The following IFT56 variants were observed in gnomAD, a reference collection of about 807,000 sequenced individuals.
The protein encoded by IFT56 is intraflagellar transport 56.
the IFT56 span, chr7:139,167,000 C>T: frequency 1.5e-6 from 1 of 652,380 alleles, no homozygotes; most frequent in Admixed American, 2.2e-5. Flanking sequence ...AGACTCCTGC[C>T]TGTAGAATCC....
the IFT56 span, among the ~76,000 whole-genome samples, chr7:139,138,405 A>G: frequency 3.3e-5 from 5 of 152,232 alleles, no homozygotes; most frequent in Non-Finnish European, 7.3e-5. Context: ...GTGTGTAAGT[A>G]TAGGAAAAAA....
At chr7:139,187,668 G>A in the IFT56 span, 5 of 1,213,526 alleles carry the variant, frequency 4.1e-6, no homozygotes, top group Non-Finnish European at 5.7e-6. Flanking sequence ...TGAAAAAAAG[G>A]TTGATATTAA....
chr7:139,141,812 G>A, the IFT56 span, among the ~76,000 whole-genome samples: 1 of 152,172 alleles, frequency 6.6e-6, no homozygotes, highest in Non-Finnish European at 1.5e-5. Flanking sequence ...AGGAAAATAT[G>A]GCAGTATAAT....
At chr7:139,170,378 A>G in the IFT56 span, among the ~76,000 whole-genome samples, 8 of 152,356 alleles carry the variant, frequency 5.3e-5, 2 homozygotes, top group African/African-American at 1.9e-4. Flanking sequence ...TATTGCCCTG[A>G]TAACAAAACC....
chr7:139,134,612 T>A, the IFT56 span: 3 of 1,551,538 alleles, frequency 1.9e-6, no homozygotes, highest in Non-Finnish European at 2.6e-6. Context: ...TTAAATCTGA[T>A]AATCAGAATT....
At chr7:139,135,599 G>A in the IFT56 span, among the ~76,000 whole-genome samples, 7 of 152,104 alleles carry the variant, frequency 4.6e-5, no homozygotes, top group Admixed American at 2.6e-4. Context: ...ATAAGATATC[G>A]ATTCCTGGGC....
At chr7:139,134,860 G>A in the IFT56 span, 1 of 1,530,304 alleles carries the variant, frequency 6.5e-7, no homozygotes, top group Non-Finnish European at 8.8e-7. Flanking sequence ...TTGGGTGAAT[G>A]CTGTTTGCTA....
the IFT56 span, among the ~76,000 whole-genome samples, chr7:139,187,919 T>C: frequency 6.6e-6 from 1 of 151,984 alleles, no homozygotes; most frequent in East Asian, 1.9e-4. Flanking sequence ...TTTTGTTTTT[T>C]GCCTATTGGC....
At chr7:139,163,274 G>A in the IFT56 span, among the ~76,000 whole-genome samples, 1 of 150,176 alleles carries the variant, frequency 6.7e-6, no homozygotes, top group Non-Finnish European at 1.5e-5. Flanking sequence ...CCCGGGAGGC[G>A]AAGCTTGCAG....
chr7:139,166,095 T>A, the IFT56 span, among the ~76,000 whole-genome samples: 1 of 152,168 alleles, frequency 6.6e-6, no homozygotes, highest in Non-Finnish European at 1.5e-5. Context: ...GTAGCTGGGA[T>A]TACAGGCATG....
chr7:139,134,606 A>G, the IFT56 span: 35 of 1,545,644 alleles, frequency 2.3e-5, no homozygotes, highest in Non-Finnish European at 3.0e-5. Flanking sequence ...CTCAGTTTAA[A>G]TCTGATAATC....
chr7:139,146,766 CAAA>C, the IFT56 span, among the ~76,000 whole-genome samples: 3 of 88,734 alleles, frequency 3.4e-5, no homozygotes, highest in Non-Finnish European at 8.1e-5. Context: ...GACTCCGTTT[CAAA>C]AAAAAAAAAA....
chr7:139,149,875 TTTTA>T, the IFT56 span, among the ~76,000 whole-genome samples: 1 of 152,244 alleles, frequency 6.6e-6, no homozygotes, highest in South Asian at 2.1e-4. Flanking sequence ...AATAACATAA[TTTTA>T]TTTAACACAT....
At chr7:139,180,062 G>A in the IFT56 span, among the ~76,000 whole-genome samples, 1 of 152,246 alleles carries the variant, frequency 6.6e-6, no homozygotes, top group Non-Finnish European at 1.5e-5. Context: ...TTTAGGCCGG[G>A]CGCGGTGGCT....
chr7:139,160,262 AGGAGGATTTATT>A, the IFT56 span, among the ~76,000 whole-genome samples: 2 of 152,202 alleles, frequency 1.3e-5, no homozygotes, highest in African/African-American at 4.8e-5. Context: ...AAGGGAAGAA[AGGAGGATTTATT>A]AACATCTCCT....
chr7:139,179,739 TA>T, the IFT56 span: 1 of 1,032,076 alleles, frequency 9.7e-7, no homozygotes, highest in Non-Finnish European at 1.5e-6. Context: ...TTTCTAATTT[TA>T]TTTTGCATTT....
the IFT56 span, chr7:139,181,232 G>A: frequency 4.0e-6 from 6 of 1,497,348 alleles, no homozygotes; most frequent in South Asian, 7.0e-5. Context: ...GAACATTAAA[G>A]ATTCATTATC....
At chr7:139,183,042 G>C in the IFT56 span, among the ~76,000 whole-genome samples, 3 of 152,164 alleles carry the variant, frequency 2.0e-5, no homozygotes, top group Non-Finnish European at 2.9e-5. Context: ...ATCAGGGTTT[G>C]GAATTGCGGG....
the IFT56 span, among the ~76,000 whole-genome samples, chr7:139,169,767 T>C: frequency 6.6e-6 from 1 of 152,126 alleles, no homozygotes; most frequent in Non-Finnish European, 1.5e-5. Flanking sequence ...TCCCAGTACT[T>C]TGGGAGGCTG....
Sources: gnomAD v4.1 joint callset for allele counts (sites outside exome capture counted in the v4.1 genomes callset) on GRCh38, gnomAD v4.1.1 for gene constraint, MANE v1.5 for transcripts, NCBI Gene and HGNC (gene_info 2026-07-23, HGNC 2026-07-21) for gene names.